MAST4: variants seen among roughly 807,000 people sequenced by gnomAD.
MAST4 encodes microtubule associated serine/threonine kinase family member 4.
A neutral mutation model predicts 162.7 loss-of-function variants in MAST4; 89 were observed. That is an observed-to-expected ratio of 0.55 (90% CI 0.46 to 0.65). The LOEUF is 0.65. Ranked by LOEUF, MAST4 falls within the 30% of genes least tolerant of loss-of-function variation. The pLI is 0.00. For missense variants in MAST4, 3,153 were observed against 3,374.0 expected, an observed-to-expected ratio of 0.93 and a Z score of 1.62; for synonymous variants, 1,479 against 1,361.1, an observed-to-expected ratio of 1.09 and a Z score of -1.91.
chr5:66,908,542 A>G (rs1763534853), intron 4 of MAST4, among the ~76,000 whole-genome samples: 1 of 152,100 alleles, frequency 6.6e-6, no homozygotes, highest in South Asian at 2.1e-4. Flanking sequence ...GGGTGTGTGT[A>G]GTGGTGAAGT....
At chr5:66,621,717 A>G (rs891371338) in intron 1 of MAST4, among the ~76,000 whole-genome samples, 9 of 152,246 alleles carry the variant, frequency 5.9e-5, no homozygotes, top group Non-Finnish European at 1.2e-4. Flanking sequence ...CCTACTGTGC[A>G]TCGGGTACTG....
At chr5:66,673,642 G>A (rs747929945) in intron 1 of MAST4, among the ~76,000 whole-genome samples, 1 of 150,318 alleles carries the variant, frequency 6.7e-6, no homozygotes, top group Non-Finnish European at 1.5e-5. Flanking sequence ...TCACAGGCAC[G>A]TGCTGCCACA....
Position 66,940,334 on chromosome 5 carries a change from T to C in MAST4, c.674+40352T>C, listed in dbSNP as rs377665431. ...GGTTGCCACAGCAGTGGACTCTTTC[T>C]TTCACAAAAGATTATCCATAGCAGT... On this transcript the variant is annotated intron_variant, in intron 4 of 28. Coordinates refer to ENST00000403625, the MANE Select transcript of MAST4 (RefSeq NM_001164664.2). 5.3e-5 allele frequency among the ~76,000 whole-genome samples: 8 copies of C among 152,258 alleles called. No individual in the cohort carries two copies. The South Asian group carries it at 1.7e-3, about 32-fold the overall frequency.
At chr5:66,990,963 A>G (rs1750009721) in intron 4 of MAST4, among the ~76,000 whole-genome samples, 1 of 152,176 alleles carries the variant, frequency 6.6e-6, no homozygotes, top group African/African-American at 2.4e-5. Context: ...GTTCAGAATT[A>G]TTTGAGTGAA....
chr5:67,109,609 T>C (rs754262878), intron 10 of MAST4, among the ~76,000 whole-genome samples: 6 of 152,166 alleles, frequency 3.9e-5, no homozygotes, highest in Non-Finnish European at 5.9e-5. Flanking sequence ...TTACGTGTGA[T>C]AATATAACTA....
At chr5:66,630,872 A>T (rs556186458) in intron 1 of MAST4, among the ~76,000 whole-genome samples, 8 of 152,330 alleles carry the variant, frequency 5.3e-5, no homozygotes, top group African/African-American at 1.9e-4. Context: ...CAGGAATAAC[A>T]TCACAGACAC....
chr5:66,939,758 T>C lies in MAST4; in HGVS notation c.674+39776T>C, dbSNP rs541413452. Among the ~76,000 whole-genome samples, 202 of 152,132 alleles carry C rather than the reference T, an allele frequency of 1.3e-3. 1 individual carries two copies. Among genetic ancestry groups the C allele is most frequent in the Non-Finnish European group, 1.9e-3 (128 of 67,968 alleles). Reference sequence around the variant, plus strand: ...ATTGCTGGGTTTTTGTTTTTTTTTTTCCCCAGACCACTGCCGTAAAGTGAC... The same window carrying C: ...ATTGCTGGGTTTTTGTTTTTTTTTTCCCCCAGACCACTGCCGTAAAGTGAC... On this transcript the variant is annotated intron_variant, in intron 4 of 28. Coordinates refer to ENST00000403625, the MANE Select transcript of MAST4 (RefSeq NM_001164664.2).
At chr5:66,901,180 GA>G (rs902609358) in intron 4 of MAST4, among the ~76,000 whole-genome samples, 1 of 152,018 alleles carries the variant, frequency 6.6e-6, no homozygotes, top group Non-Finnish European at 1.5e-5. Context: ...TACTTTTATA[GA>G]AAAAAATCTT....
intron 4 of MAST4, chr5:67,004,863 T>C: frequency 1.6e-6 from 1 of 632,206 alleles, no homozygotes; most frequent in East Asian, 2.8e-5. Flanking sequence ...CCATCACATT[T>C]TCTCTGGAGG....
At chr5:66,706,534 C>T (rs1444456708) in intron 1 of MAST4, among the ~76,000 whole-genome samples, 1 of 152,022 alleles carries the variant, frequency 6.6e-6, no homozygotes, top group Non-Finnish European at 1.5e-5. Context: ...GTTCCTTTTG[C>T]TGAATGATAT....
chr5:66,703,938 C>T (rs1228822905), intron 1 of MAST4, among the ~76,000 whole-genome samples: 1 of 152,128 alleles, frequency 6.6e-6, no homozygotes, highest in Non-Finnish European at 1.5e-5. Flanking sequence ...AACAACATTA[C>T]CTTGTCCATG....
chr5:66,863,969 T>G (rs1480019515), intron 3 of MAST4, among the ~76,000 whole-genome samples: 17 of 152,176 alleles, frequency 1.1e-4, no homozygotes, highest in Admixed American at 1.1e-3. Context: ...TCAATGTGTG[T>G]TTTGCAGGAA....
intron 4 of MAST4, among the ~76,000 whole-genome samples, chr5:66,919,279 GAT>G (rs1764323863): frequency 6.6e-6 from 1 of 152,084 alleles, no homozygotes; most frequent in South Asian, 2.1e-4. Context: ...ACCAAAAAAG[GAT>G]AGTCAACTTA....
Position 67,000,764 on chromosome 5 carries a change from G to GGT in MAST4, c.675-53638_675-53637dup, listed in dbSNP as rs538232077. Among the ~76,000 whole-genome samples the GGT allele has an allele frequency of 4.6e-4, 70 of 151,436 alleles. No homozygotes were observed. The South Asian group carries it at 0.014, about 31-fold the overall frequency. The stretch of plus-strand genomic sequence containing the variant: ...ACTCTGTCTAAAAAAAAAGGGGGGG[G>GGT]GTGGCTTGTGTCAACAGGTGGGCAG... On this transcript the variant is annotated intron_variant, in intron 4 of 28. Coordinates refer to ENST00000403625, the MANE Select transcript of MAST4 (RefSeq NM_001164664.2).
chr5:66,779,549 T>C (rs1188499796), intron 2 of MAST4, among the ~76,000 whole-genome samples: 1 of 152,214 alleles, frequency 6.6e-6, no homozygotes, highest in Non-Finnish European at 1.5e-5. Flanking sequence ...TGATGCTGTC[T>C]GGGTACGGTC....
chr5:66,805,811 G>A (rs1310037694), intron 3 of MAST4, among the ~76,000 whole-genome samples: 1 of 152,168 alleles, frequency 6.6e-6, no homozygotes, highest in Non-Finnish European at 1.5e-5. Context: ...CCAAAGGCTG[G>A]GGATGTTTTC....
chr5:66,813,969 T>G (rs1756597148), intron 3 of MAST4, among the ~76,000 whole-genome samples: 1 of 152,228 alleles, frequency 6.6e-6, no homozygotes. Context: ...ATTATCCTAC[T>G]TGTCTGTCAT....
chr5:67,078,911 AATAT>A (rs750951069), intron 5 of MAST4, among the ~76,000 whole-genome samples: 26 of 38,088 alleles, frequency 6.8e-4, no homozygotes, highest in African/African-American at 3.0e-3. Context: ...TTTTTATATA[AATAT>A]ATATATATAT....
At chr5:66,719,984 G>A (rs1004609452) in intron 1 of MAST4, among the ~76,000 whole-genome samples, 12 of 152,170 alleles carry the variant, frequency 7.9e-5, no homozygotes, top group African/African-American at 2.9e-4. Flanking sequence ...AGTAGGAACA[G>A]ATATTCTTGT....
Sources: allele counts gnomAD v4.1 joint callset (sites outside exome capture counted in the v4.1 genomes callset), GRCh38; gene constraint gnomAD v4.1.1; transcripts MANE v1.5; gene names NCBI Gene and HGNC (gene_info 2026-07-23, HGNC 2026-07-21).